Variants in TFAP2D observed in about 807,000 individuals in gnomAD.
TFAP2D encodes the protein transcription factor AP-2-delta.
A neutral mutation model predicts 43.6 loss-of-function variants in TFAP2D; 9 were observed. The ratio of observed to expected loss-of-function variants is 0.21; its 90% CI spans 0.12 to 0.36. TFAP2D has a LOEUF of 0.36. TFAP2D is among the 10% of genes least tolerant of loss of function. The pLI is 1.00. For missense variants in TFAP2D, 513 were observed against 561.4 expected, an observed-to-expected ratio of 0.91 and a Z score of 0.87; for synonymous variants, 256 against 224.9, an observed-to-expected ratio of 1.14 and a Z score of -1.24.
intron 7 of TFAP2D, among the ~76,000 whole-genome samples, chr6:50,752,552 G>C (rs1029746614): frequency 6.6e-6 from 1 of 151,842 alleles, no homozygotes; most frequent in Non-Finnish European, 1.5e-5. Context: ...AATAACAAGT[G>C]TTTAAATAAG....
At position 50,715,496 on chromosome 6, in the gene TFAP2D, C is replaced by T. The variant is rs1768605312; in HGVS notation, c.420C>T (p.Tyr140=). 2 of 1,613,498 alleles carry T rather than the reference C, an allele frequency of 1.2e-6. No homozygotes were observed. Among genetic ancestry groups the T allele is most frequent in the Non-Finnish European group, 1.7e-6 (2 of 1,180,036 alleles). Residue 140 remains tyrosine (Y), a synonymous_variant, in exon 2 of 8, where the codon TAC becomes TAT. Transcript: ENST00000008391. ...QRRELGCLDA[Y]RRHDLSLMSH... is the part of the protein sequence containing the mutation. ...GGGAGCTGGGCTGCCTCGATGCCTA[C>T]CGCCGCCATGACCTGTCCCTCATGA...
At chr6:50,755,232 A>G (rs1769247564) in intron 7 of TFAP2D, among the ~76,000 whole-genome samples, 2 of 151,954 alleles carry the variant, frequency 1.3e-5, no homozygotes, top group African/African-American at 4.8e-5. Flanking sequence ...TTGAAACCCA[A>G]AGTGAAGGTT....
chr6:50,720,486 A>AACACACACACACAC (rs59484837), intron 3 of TFAP2D, among the ~76,000 whole-genome samples: 1 of 139,068 alleles, frequency 7.2e-6, no homozygotes, highest in Non-Finnish European at 1.5e-5. Flanking sequence ...TGGAGATTAA[A>AACACACACACACAC]ACACACACAC....
At position 50,772,867 on chromosome 6, in the gene TFAP2D, A is replaced by G; in HGVS notation, c.*3A>G. ...GCAAAACAGAAAAGACAGACTAGCTACATCAAACAGAATCTATTTCCAGAG... is the reference window on the plus strand; with the variant it reads ...GCAAAACAGAAAAGACAGACTAGCTGCATCAAACAGAATCTATTTCCAGAG... On this transcript the variant is annotated 3_prime_UTR_variant, in exon 8 of 8. Coordinates refer to ENST00000008391, the MANE Select transcript of TFAP2D (RefSeq NM_172238.4). 6.2e-7 allele frequency: 1 copy of G among 1,609,036 alleles called. No homozygotes were observed. The highest frequency in any genetic ancestry group is 8.5e-7 in the Non-Finnish European group (1 of 1,177,424).
intron 5 of TFAP2D, among the ~76,000 whole-genome samples, chr6:50,742,593 G>C (rs1769063217): frequency 6.6e-6 from 1 of 150,608 alleles, no homozygotes; most frequent in Admixed American, 6.7e-5. Context: ...TAGATAGATA[G>C]ATAGATAGAT....
At chr6:50,726,393 G>A (rs960813568) in intron 3 of TFAP2D, among the ~76,000 whole-genome samples, 22 of 152,088 alleles carry the variant, frequency 1.4e-4, no homozygotes, top group African/African-American at 4.8e-4. Flanking sequence ...ATACTCAAAC[G>A]CTCTGTTCTC....
intron 7 of TFAP2D, among the ~76,000 whole-genome samples, chr6:50,754,120 C>A (rs1769234128): frequency 6.6e-6 from 1 of 151,806 alleles, no homozygotes; most frequent in South Asian, 2.1e-4. Flanking sequence ...CATTAAACAA[C>A]TCCCATTCTT....
intron 2 of TFAP2D, 75 bp downstream of exon 2, chr6:50,715,688 A>C: frequency 6.8e-7 from 1 of 1,472,820 alleles, no homozygotes; most frequent in Non-Finnish European, 9.1e-7. Context: ...TAATGCTCCG[A>C]CTGTAAAGCG....
chr6:50,714,583 G>A (rs766934495), intron 1 of TFAP2D, among the ~76,000 whole-genome samples: 28 of 152,208 alleles, frequency 1.8e-4, no homozygotes, highest in Non-Finnish European at 2.6e-4. Flanking sequence ...TGCACAGACT[G>A]GATTTTTTAA....
At chr6:50,736,957 C>A (rs190317836) in intron 5 of TFAP2D, among the ~76,000 whole-genome samples, 1 of 152,064 alleles carries the variant, frequency 6.6e-6, no homozygotes, top group Admixed American at 6.6e-5. Flanking sequence ...TCAACTAATG[C>A]TTTATTCCTT....
chr6:50,744,187 CT>C (rs1769092881), intron 5 of TFAP2D, among the ~76,000 whole-genome samples: 1 of 152,126 alleles, frequency 6.6e-6, no homozygotes, highest in Non-Finnish European at 1.5e-5. Flanking sequence ...TTCTGATTCT[CT>C]CCACCCTCCT....
intron 2 of TFAP2D, chr6:50,718,207 G>T (rs1365761612): frequency 6.6e-6 from 1 of 152,020 alleles, no homozygotes; most frequent in African/African-American, 2.4e-5. Flanking sequence ...TGAAAAGGGG[G>T]GTCTTACAGG....
chr6:50,738,897 T>C (rs1253403300), intron 5 of TFAP2D, among the ~76,000 whole-genome samples: 1 of 152,144 alleles, frequency 6.6e-6, no homozygotes, highest in African/African-American at 2.4e-5. Flanking sequence ...GCTTTCCCTT[T>C]TGTATAAGTC....
chr6:50,722,173 G>C (rs1052050048), intron 3 of TFAP2D, among the ~76,000 whole-genome samples: 3 of 152,158 alleles, frequency 2.0e-5, no homozygotes, highest in African/African-American at 7.2e-5. Context: ...CCACTGCCTC[G>C]GAGGCGCAGC....
At chr6:50,731,156 T>C (rs944220392) in intron 5 of TFAP2D, among the ~76,000 whole-genome samples, 2 of 152,058 alleles carry the variant, frequency 1.3e-5, no homozygotes, top group African/African-American at 4.8e-5. Context: ...TCCTACTCTT[T>C]CTGCATACCT....
In TFAP2D at chr6:50,736,644, T is replaced by A. The variant is rs112415334; in HGVS notation, c.883+7332T>A. Among the ~76,000 whole-genome samples the A allele has an allele frequency of 7.6e-3, 1,162 of 152,244 alleles. 17 individuals are homozygous for A. The highest frequency in any genetic ancestry group is 0.026 in the African/African-American group (1,077 of 41,540). ...GGGCTGCATTTTAAGATTTCATTCA[T>A]TTCTGTGTGGTGGGGATGGTATTTG... On this transcript the variant is annotated intron_variant, in intron 5 of 7. Coordinates refer to ENST00000008391, the MANE Select transcript of TFAP2D (RefSeq NM_172238.4).
intron 2 of TFAP2D, among the ~76,000 whole-genome samples, chr6:50,716,687 T>C (rs1359244881): frequency 6.6e-6 from 1 of 152,190 alleles, no homozygotes; most frequent in African/African-American, 2.4e-5. Flanking sequence ...AAAAGACCCA[T>C]AGTTTTAGCT....
intron 7 of TFAP2D, among the ~76,000 whole-genome samples, chr6:50,766,038 T>C (rs1166921025): frequency 1.3e-5 from 2 of 152,216 alleles, no homozygotes; most frequent in African/African-American, 2.4e-5. Flanking sequence ...TTTCTGTGTA[T>C]GGTGTATGGT....
At chr6:50,720,595 G>A (rs1357886148) in intron 3 of TFAP2D, among the ~76,000 whole-genome samples, 1 of 151,634 alleles carries the variant, frequency 6.6e-6, no homozygotes, top group African/African-American at 2.4e-5. Flanking sequence ...AAGCTTGCCA[G>A]CCACGCTGGT....
Sources: gnomAD v4.1 joint callset for allele counts (sites outside exome capture counted in the v4.1 genomes callset) on GRCh38, gnomAD v4.1.1 for gene constraint, MANE v1.5 for transcripts, NCBI Gene and HGNC (gene_info 2026-07-23, HGNC 2026-07-21) for gene names.